Variants in SMIM13 observed in about 807,000 individuals in gnomAD.
The protein encoded by SMIM13 is UPF0766 protein C6orf228.
SMIM13 carries 3 observed loss-of-function variants against 5.9 expected under a neutral mutation model. The ratio of observed to expected loss-of-function variants is 0.51; its 90% CI spans 0.23 to 1.31. SMIM13 has a LOEUF of 1.31. Among genes scored for constraint, SMIM13 ranks in the 40% most tolerant of loss-of-function variants. The probability of loss-of-function intolerance (pLI) is 0.18; values close to 1 mark genes in which losing one functional copy is unlikely to be tolerated. For synonymous variants in SMIM13, 55 were observed against 46.0 expected (o/e 1.19, Z -0.79); for missense variants, 85 against 109.9 (o/e 0.77, Z 1.01).
intron 1 of SMIM13, among the ~76,000 whole-genome samples, chr6:11,114,541 AT>A (rs70991085): frequency 1.8e-4 from 19 of 106,840 alleles, no homozygotes; most frequent in Admixed American, 2.2e-4. Context: ...TGGATATTGG[AT>A]TTTTTTTTTT....
rs1242385713 is a variant in SMIM13, at chr6:11,135,064, ATG to A, written c.*466_*467del. On this transcript the variant is annotated 3_prime_UTR_variant, in exon 2 of 2. Coordinates refer to ENST00000416247, the MANE Select transcript of SMIM13 (RefSeq NM_001135575.2). The stretch of plus-strand genomic sequence containing the variant: ...TCATCGTGTCATCCCTTTAACCAAC[ATG>A]TGTTTTGTTGGTATCAAATGTGTCA... 1.3e-5 allele frequency: 2 copies of A among 152,694 alleles called. No homozygotes were observed. The highest frequency in any genetic ancestry group is 4.8e-5 in the African/African-American group (2 of 41,420). The allele number at this position is 152,694 out of a possible 1,614,324, so 9.5% of individuals were successfully genotyped here. A position where few individuals can be genotyped will look rare whatever the true frequency, so the allele number is the denominator to read the frequency against.
chr6:11,113,522 T>A (rs1006034086), intron 1 of SMIM13, among the ~76,000 whole-genome samples: 2 of 152,200 alleles, frequency 1.3e-5, no homozygotes, highest in African/African-American at 4.8e-5. Flanking sequence ...TTTTTTTTGT[T>A]TGTTTTTATC....
intron 1 of SMIM13, among the ~76,000 whole-genome samples, chr6:11,123,510 A>G (rs898193604): frequency 1.3e-5 from 2 of 152,200 alleles, no homozygotes; most frequent in Non-Finnish European, 2.9e-5. Flanking sequence ...TACCAATACC[A>G]TAGATGAATA....
intron 1 of SMIM13, among the ~76,000 whole-genome samples, chr6:11,117,671 T>C (rs988389400): frequency 2.0e-5 from 3 of 152,154 alleles, no homozygotes; most frequent in African/African-American, 7.2e-5. Context: ...GGTCACACAA[T>C]GTATTTTGTA....
At chr6:11,119,546 C>T (rs528909662) in intron 1 of SMIM13, among the ~76,000 whole-genome samples, 25 of 152,084 alleles carry the variant, frequency 1.6e-4, no homozygotes, top group East Asian at 5.8e-4. Context: ...CCCAGCTACT[C>T]GGGAGGCAGA....
chr6:11,134,358 A>C, intron 1 of SMIM13, 45 bp from the exon 2 acceptor site: 1 of 1,418,250 alleles, frequency 7.1e-7, no homozygotes, highest in African/African-American at 1.4e-5. Context: ...AATTGATAAC[A>C]TTGTGTGTAA....
At position 11,137,094 on chromosome 6, in the gene SMIM13, A is replaced by G. The variant is rs1358308796; in HGVS notation, c.*2492A>G. 1 of 152,076 alleles carries G rather than the reference A, an allele frequency of 6.6e-6. No homozygotes were observed. The highest frequency in any genetic ancestry group is 1.5e-5 in the Non-Finnish European group (1 of 67,982). The allele number at this position is 152,076 out of a possible 1,614,324, so 9.4% of individuals were successfully genotyped here. A position where few individuals can be genotyped will look rare whatever the true frequency, so the allele number is the denominator to read the frequency against. On this transcript the variant is annotated 3_prime_UTR_variant, in exon 2 of 2. Transcript: ENST00000416247. ...CAGGTTAACCTTTGTAGAGGTATAT[A>G]TGTTGGCATTATTTATTGACATTTA...
chr6:11,111,320 A>C (rs973936340), intron 1 of SMIM13, among the ~76,000 whole-genome samples: 1 of 152,198 alleles, frequency 6.6e-6, no homozygotes, highest in South Asian at 2.1e-4. Context: ...ATACAGAGAA[A>C]GGAAAATAGG....
rs200622017 is a variant in SMIM13, at chr6:11,101,032, C to CT, written c.76+6659dup. Among the ~76,000 whole-genome samples the CT allele has an allele frequency of 2.6e-3, 326 of 127,462 alleles. 3 individuals carry two copies. The highest frequency in any genetic ancestry group is 0.017 in the South Asian group (71 of 4,088). The allele number at this position is 127,462 out of a possible 152,430, so 83.6% of individuals were successfully genotyped here. A position where few individuals can be genotyped will look rare whatever the true frequency, so the allele number is the denominator to read the frequency against. ...TGATCAATTTCCTCCTCTCCATTTTCTTTTTTTTTTTTTTTTCTGTTCTCT... is the reference window on the plus strand; with the variant it reads ...TGATCAATTTCCTCCTCTCCATTTTCTTTTTTTTTTTTTTTTTCTGTTCTCT... On this transcript the variant is annotated intron_variant, in intron 1 of 1. Coordinates refer to ENST00000416247, the MANE Select transcript of SMIM13 (RefSeq NM_001135575.2).
intron 1 of SMIM13, among the ~76,000 whole-genome samples, chr6:11,114,317 C>T (rs1027096069): frequency 6.6e-6 from 1 of 152,062 alleles, no homozygotes; most frequent in Non-Finnish European, 1.5e-5. Flanking sequence ...TTAGCTTTTG[C>T]CTCATTGCAC....
chr6:11,125,903 A>C (rs1037482989), intron 1 of SMIM13, among the ~76,000 whole-genome samples: 3 of 152,108 alleles, frequency 2.0e-5, no homozygotes, highest in African/African-American at 7.2e-5. Flanking sequence ...TTATCTCTTT[A>C]AATAAACTTT....
intron 1 of SMIM13, among the ~76,000 whole-genome samples, chr6:11,123,910 A>G (rs1758343515): frequency 6.6e-6 from 1 of 152,244 alleles, no homozygotes; most frequent in Non-Finnish European, 1.5e-5. Context: ...TATATGGGGT[A>G]CATGAGATAT....
At chr6:11,111,440 T>C (rs6923081) in intron 1 of SMIM13, among the ~76,000 whole-genome samples, 117,267 of 152,046 alleles carry the variant, frequency 0.77, 45,959 homozygotes, top group African/African-American at 0.91. Flanking sequence ...GCCTCCTGTC[T>C]GGGGGGGCCA....
At chr6:11,117,343 T>A (rs1407301670) in intron 1 of SMIM13, among the ~76,000 whole-genome samples, 3 of 148,210 alleles carry the variant, frequency 2.0e-5, no homozygotes, top group African/African-American at 7.4e-5. Context: ...TTTTGTATTT[T>A]TTTTTTTTTT....
At chr6:11,114,376 C>T (rs1250012425) in intron 1 of SMIM13, among the ~76,000 whole-genome samples, 15 of 152,132 alleles carry the variant, frequency 9.9e-5, no homozygotes, top group Non-Finnish European at 1.5e-4. Context: ...GCAGACCTTC[C>T]TCCCTGATCT....
intron 1 of SMIM13, among the ~76,000 whole-genome samples, chr6:11,094,824 C>T (rs963014948): frequency 1.3e-5 from 2 of 152,156 alleles, no homozygotes; most frequent in African/African-American, 4.8e-5. Flanking sequence ...GTTTTCAGCA[C>T]GCGTGAAATT....
intron 1 of SMIM13, among the ~76,000 whole-genome samples, chr6:11,098,935 TATC>T (rs965794471): frequency 7.2e-5 from 11 of 152,370 alleles, no homozygotes; most frequent in South Asian, 2.1e-4. Context: ...TCTATTTACT[TATC>T]ATCGATCTCT....
chr6:11,101,073 G>A (rs569004981), intron 1 of SMIM13, among the ~76,000 whole-genome samples: 1 of 144,190 alleles, frequency 6.9e-6, no homozygotes, highest in East Asian at 2.0e-4. Context: ...ACTTCTGGTA[G>A]TTGTATGCTG....
At chr6:11,103,881 C>G in intron 1 of SMIM13, 3 of 1,551,698 alleles carry the variant, frequency 1.9e-6, no homozygotes, top group Non-Finnish European at 2.6e-6. Flanking sequence ...GAACCATTTC[C>G]AAGTTCCTTC....
Sources: gnomAD v4.1 joint callset for allele counts (sites outside exome capture counted in the v4.1 genomes callset) on GRCh38, gnomAD v4.1.1 for gene constraint, MANE v1.5 for transcripts, NCBI Gene and HGNC (gene_info 2026-07-23, HGNC 2026-07-21) for gene names.